The following RAD54B variants were observed in gnomAD, a reference collection of about 807,000 sequenced individuals.
RAD54B encodes RAD54 homolog B, also known as DNA repair and recombination protein RAD54B.
Under a neutral mutation model 95.8 loss-of-function variants are expected in RAD54B, and 78 were observed. The observed-to-expected ratio is 0.81, with a 90% CI of 0.68 to 0.98. The LOEUF (loss-of-function observed/expected upper bound fraction) is 0.98, where lower values mean the gene tolerates loss of function less well. RAD54B is among the 50% of genes least tolerant of loss of function. The probability of loss-of-function intolerance (pLI) is 0.00; values close to 1 mark genes in which losing one functional copy is unlikely to be tolerated. For synonymous variants in RAD54B, 328 were observed against 354.9 expected, an observed-to-expected ratio of 0.92 and a Z score of 0.85; for missense variants, 957 against 1,056.6, an observed-to-expected ratio of 0.91 and a Z score of 1.31.
intron 3 of RAD54B, among the ~76,000 whole-genome samples, chr8:94,455,096 C>CTTAAAGT (rs1378923441): frequency 7.9e-5 from 12 of 152,204 alleles, no homozygotes; most frequent in Non-Finnish European, 1.3e-4. Flanking sequence ...TATTTATTTA[C>CTTAAAGT]TTACAAACTT....
chr8:94,399,302 G>A (rs961480828), intron 8 of RAD54B, 112 bp downstream of exon 8: 3 of 797,434 alleles, frequency 3.8e-6, no homozygotes, highest in African/African-American at 1.7e-5. Context: ...AGGTTTATTA[G>A]TATAAATTCC....
chr8:94,439,813 C>T (rs915905232), intron 3 of RAD54B, among the ~76,000 whole-genome samples: 1 of 152,130 alleles, frequency 6.6e-6, no homozygotes, highest in Non-Finnish European at 1.5e-5. Context: ...GGATTGTAGG[C>T]ACCAAGTTTT....
intron 3 of RAD54B, among the ~76,000 whole-genome samples, chr8:94,419,194 C>T (rs1811742521): frequency 1.3e-5 from 2 of 152,144 alleles, no homozygotes; most frequent in Non-Finnish European, 2.9e-5. Flanking sequence ...AAAAGAATTT[C>T]AATTAGTAAG....
At chr8:94,456,603 C>T (rs1328566885) in intron 3 of RAD54B, among the ~76,000 whole-genome samples, 1 of 152,098 alleles carries the variant, frequency 6.6e-6, no homozygotes, top group Non-Finnish European at 1.5e-5. Context: ...TTGCGTCATT[C>T]TTTCAACTCG....
intron 11 of RAD54B, among the ~76,000 whole-genome samples, chr8:94,385,752 C>T (rs1286852145): frequency 6.6e-6 from 1 of 152,182 alleles, no homozygotes; most frequent in Non-Finnish European, 1.5e-5. Flanking sequence ...TGAGCTGAGG[C>T]TTAACAAAGA....
chr8:94,437,653 G>A (rs551632512), intron 3 of RAD54B, among the ~76,000 whole-genome samples: 1 of 152,148 alleles, frequency 6.6e-6, no homozygotes, highest in South Asian at 2.1e-4. Flanking sequence ...TAATGTATGT[G>A]AATTTGCTAG....
At chr8:94,436,431 T>A in intron 3 of RAD54B, 1 of 1,461,338 alleles carries the variant, frequency 6.8e-7, no homozygotes, top group Non-Finnish European at 9.0e-7. Context: ...CTATCACGAC[T>A]AAGCCAAAGC....
intron 3 of RAD54B, among the ~76,000 whole-genome samples, chr8:94,424,421 C>T (rs1376485567): frequency 6.6e-6 from 1 of 152,152 alleles, no homozygotes; most frequent in Non-Finnish European, 1.5e-5. Context: ...TTAATGTTTA[C>T]ACCATCAACA....
At chr8:94,447,689 A>G (rs1256377935) in intron 3 of RAD54B, among the ~76,000 whole-genome samples, 1 of 152,244 alleles carries the variant, frequency 6.6e-6, no homozygotes, top group Admixed American at 6.5e-5. Flanking sequence ...GGTCAGCAAT[A>G]GCACAAAGTT....
chr8:94,453,350 G>A (rs1264464937), intron 3 of RAD54B, among the ~76,000 whole-genome samples: 2 of 152,066 alleles, frequency 1.3e-5, no homozygotes, highest in Admixed American at 6.6e-5. Context: ...CCAATATGGT[G>A]AACCCCTGTC....
At chr8:94,382,548 T>C (rs1227702481) in intron 11 of RAD54B, among the ~76,000 whole-genome samples, 2 of 152,130 alleles carry the variant, frequency 1.3e-5, no homozygotes, top group East Asian at 1.9e-4. Flanking sequence ...TCCAGCAAAA[T>C]GTGAAATTCA....
chr8:94,392,340 C>A (rs1294873178), intron 9 of RAD54B, among the ~76,000 whole-genome samples: 1 of 152,180 alleles, frequency 6.6e-6, no homozygotes, highest in African/African-American at 2.4e-5. Context: ...CGGCTCACTG[C>A]AACCTCCACC....
chr8:94,449,067 CAT>C (rs1491025085), intron 3 of RAD54B, among the ~76,000 whole-genome samples: 2 of 150,962 alleles, frequency 1.3e-5, no homozygotes, highest in Non-Finnish European at 3.0e-5. Flanking sequence ...CACACACACA[CAT>C]ACACACATAT....
At chr8:94,432,201 G>A (rs1199965013) in intron 3 of RAD54B, 2 of 1,550,020 alleles carry the variant, frequency 1.3e-6, no homozygotes, top group Non-Finnish European at 1.7e-6. Context: ...TTCAATTTTT[G>A]CTCTTAGTAG....
At position 94,409,700 on chromosome 8, in the gene RAD54B, G is replaced by GT. The variant is rs1182656776; in HGVS notation, c.499+1420dup. On this transcript the variant is annotated intron_variant, in intron 4 of 14. Transcript: ENST00000336148. ...AGATGATTCTACTGGCATGGTCAGG[G>GT]TAAAAACCCACTGTTTTAAGCCTAA... 7.9e-5 allele frequency among the ~76,000 whole-genome samples: 12 copies of GT among 152,178 alleles called. No individual in the cohort carries two copies. The East Asian group carries it at 2.3e-3, about 29-fold the overall frequency.
At position 94,391,746 on chromosome 8, in the gene RAD54B, G is replaced by T. The variant is rs1563639329; in HGVS notation, c.1672C>A (p.Leu558Ile). 1 of 1,614,018 alleles carries T rather than the reference G, an allele frequency of 6.2e-7. No homozygotes were observed. The highest frequency in any genetic ancestry group is 2.2e-5 in the East Asian group (1 of 44,862). ...FCRPGALQIE[L>I]YRKLLNSQVV... ...TGAGAATTTAACAGCTTTCGATAAAGCTCAATCTGTAGTGCTCCTGGTCGG... is the reference window on the plus strand; with the variant it reads ...TGAGAATTTAACAGCTTTCGATAAATCTCAATCTGTAGTGCTCCTGGTCGG... Residue 558 changes from leucine to isoleucine, a missense_variant, in exon 10 of 15, where the codon CTT becomes ATT. Leu to Ile is a conservative substitution (Grantham distance 5, BLOSUM62 2). Transcript: ENST00000336148.
chr8:94,468,459 T>C (rs1586045078), intron 1 of RAD54B, among the ~76,000 whole-genome samples: 1 of 151,538 alleles, frequency 6.6e-6, no homozygotes, highest in African/African-American at 2.4e-5. Flanking sequence ...CTGTAATCCC[T>C]GTACTTTGAA....
intron 14 of RAD54B, among the ~76,000 whole-genome samples, chr8:94,374,941 G>A (rs930262640): frequency 1.3e-5 from 2 of 152,094 alleles, no homozygotes; most frequent in African/African-American, 2.4e-5. Flanking sequence ...AACTTCATTC[G>A]TAATAAGAGA....
intron 3 of RAD54B, among the ~76,000 whole-genome samples, chr8:94,444,461 T>C (rs992910989): frequency 2.7e-5 from 4 of 148,948 alleles, no homozygotes; most frequent in African/African-American, 9.8e-5. Context: ...ATTCATACCA[T>C]GGTATACTTT....
Sources: allele counts gnomAD v4.1 joint callset (sites outside exome capture counted in the v4.1 genomes callset), GRCh38; gene constraint gnomAD v4.1.1; transcripts MANE v1.5; gene names NCBI Gene and HGNC (gene_info 2026-07-23, HGNC 2026-07-21).